Variants in DIAPH2 observed in about 807,000 individuals in gnomAD.
The protein encoded by DIAPH2 is diaphanous related formin 2.
In DIAPH2, 35 loss-of-function variants were observed where a neutral mutation model predicts 92.7. That is an observed-to-expected ratio of 0.38 (90% CI 0.29 to 0.50). The LOEUF is 0.50. DIAPH2 is among the 20% of genes least tolerant of loss of function. The pLI, the probability that DIAPH2 is intolerant of heterozygous loss-of-function variation, is 0.94. For synonymous variants in DIAPH2, 301 were observed against 280.4 expected (o/e 1.07, Z -0.73); for missense variants, 701 against 819.5 (o/e 0.86, Z 1.77).
At chrX:97,461,312 A>C (rs934871993) in intron 26 of DIAPH2, among the ~76,000 whole-genome samples, 3 of 111,440 alleles carry the variant, frequency 2.7e-5, no homozygotes, top group Non-Finnish European at 1.9e-5. Flanking sequence ...ACAAGAGTAA[A>C]TGTTATTTTA....
At chrX:97,474,779 A>G (rs1602614874) in intron 26 of DIAPH2, among the ~76,000 whole-genome samples, 2 of 106,824 alleles carry the variant, frequency 1.9e-5, no homozygotes, top group East Asian at 5.9e-4. Flanking sequence ...AAAAAAAAAA[A>G]TTAATAATAG....
chrX:97,111,771 G>A (rs1400788685), intron 20 of DIAPH2, among the ~76,000 whole-genome samples: 2 of 111,745 alleles, frequency 1.8e-5, no homozygotes, highest in Non-Finnish European at 3.8e-5. Context: ...TGGGGTAGCG[G>A]TTGAGAGTCT....
chrX:97,578,325 C>T (rs1342114939), intron 26 of DIAPH2, among the ~76,000 whole-genome samples: 2 of 107,288 alleles, frequency 1.9e-5, no homozygotes, highest in African/African-American at 6.8e-5. Flanking sequence ...CCCCGCTCCC[C>T]CCACCCCACA....
intron 1 of DIAPH2, among the ~76,000 whole-genome samples, chrX:96,727,835 C>T (rs1369681286): frequency 9.1e-6 from 1 of 109,915 alleles, no homozygotes; most frequent in African/African-American, 3.3e-5. Flanking sequence ...ATCACGAGGT[C>T]AGAAGTTCGA....
chrX:97,466,678 G>T (rs2070515493), intron 26 of DIAPH2, among the ~76,000 whole-genome samples: 1 of 112,002 alleles, frequency 8.9e-6, no homozygotes, highest in Non-Finnish European at 1.9e-5. Flanking sequence ...AATTAATCTT[G>T]GTTTTTGTTG....
rs745559686 is a variant in DIAPH2 at position 97,033,640 on chromosome X, T to C, written c.2051-39301T>C. On this transcript the variant is annotated intron_variant, in intron 17 of 26. Coordinates refer to ENST00000324765, the MANE Select transcript of DIAPH2 (RefSeq NM_006729.5). The stretch of plus-strand genomic sequence containing the variant: ...TTAAAGATGTTTGAAAGAAAAGAGC[T>C]GGAAAACCAAAGTTACTGTCACAAG... 1.1e-4 allele frequency among the ~76,000 whole-genome samples: 12 copies of C among 112,188 alleles called. No individual in the cohort carries two copies. In the East Asian group the frequency reaches 3.1e-3, roughly 29 times the overall value.
intron 26 of DIAPH2, among the ~76,000 whole-genome samples, chrX:97,434,575 A>ATT (rs59812820): frequency 3.8e-5 from 4 of 105,972 alleles, no homozygotes; most frequent in Admixed American, 1.0e-4. Context: ...CACCCAGCTA[A>ATT]TTTTTTTTTA....
At chrX:97,199,469 T>C (rs1463033514) in intron 22 of DIAPH2, among the ~76,000 whole-genome samples, 1 of 111,761 alleles carries the variant, frequency 8.9e-6, no homozygotes, top group East Asian at 2.8e-4. Flanking sequence ...CAAGCAAGCA[T>C]TTATGTAAAG....
chrX:97,253,675 G>A (rs1490102294), intron 23 of DIAPH2, among the ~76,000 whole-genome samples: 2 of 111,002 alleles, frequency 1.8e-5, no homozygotes, highest in African/African-American at 6.5e-5. Context: ...GCTTGAACCC[G>A]GGCAGCAGAG....
intron 17 of DIAPH2, among the ~76,000 whole-genome samples, chrX:97,004,553 T>C (rs2066166917): frequency 9.0e-6 from 1 of 111,726 alleles, no homozygotes; most frequent in South Asian, 3.7e-4. Flanking sequence ...ATATTTTATT[T>C]TATTTGTAGC....
chrX:96,716,037 T>G (rs1171169517), intron 1 of DIAPH2, among the ~76,000 whole-genome samples: 1 of 110,958 alleles, frequency 9.0e-6, no homozygotes, highest in Non-Finnish European at 1.9e-5. Flanking sequence ...CTGGTTAGGA[T>G]AGAAAACTTA....
intron 16 of DIAPH2, among the ~76,000 whole-genome samples, chrX:96,963,959 A>G (rs1427846459): frequency 1.8e-5 from 2 of 110,736 alleles, no homozygotes; most frequent in Non-Finnish European, 3.8e-5. Context: ...ATATTGATAT[A>G]CCTTAATTTT....
At chrX:96,739,300 G>A in intron 3 of DIAPH2, among the ~76,000 whole-genome samples, 1 of 111,881 alleles carries the variant, frequency 8.9e-6, no homozygotes, top group Non-Finnish European at 1.9e-5. Context: ...ATTAGATAAT[G>A]AATACCATAT....
intron 26 of DIAPH2, among the ~76,000 whole-genome samples, chrX:97,511,816 G>C (rs1294217771): frequency 9.1e-6 from 1 of 110,337 alleles, no homozygotes; most frequent in African/African-American, 3.3e-5. Flanking sequence ...TACATTTATT[G>C]ATTTGCATAT....
At chrX:97,390,715 C>G (rs1464022036) in intron 25 of DIAPH2, among the ~76,000 whole-genome samples, 2 of 110,966 alleles carry the variant, frequency 1.8e-5, no homozygotes, top group Non-Finnish European at 3.8e-5. Flanking sequence ...ATTTTCATTT[C>G]TTTCTCTCCT....
intron 25 of DIAPH2, among the ~76,000 whole-genome samples, chrX:97,397,377 T>C (rs1218389038): frequency 3.6e-5 from 4 of 111,865 alleles, no homozygotes; most frequent in African/African-American, 9.7e-5. Context: ...AAAAATTCTT[T>C]TTGTCAGACT....
At chrX:97,239,834 ATC>A (rs370959933) in intron 22 of DIAPH2, among the ~76,000 whole-genome samples, 5,596 of 97,869 alleles carry the variant, frequency 0.057, 386 homozygotes, top group African/African-American at 0.19. Flanking sequence ...TCTAGTAAAA[ATC>A]TCTCTCTCTC....
At chrX:97,126,962 C>T (rs1172828229) in intron 21 of DIAPH2, among the ~76,000 whole-genome samples, 1 of 112,532 alleles carries the variant, frequency 8.9e-6, no homozygotes, top group East Asian at 2.8e-4. Flanking sequence ...TATCAGAATG[C>T]TCTCTTCCCT....
chrX:97,217,810 G>A (rs901357491), intron 22 of DIAPH2, among the ~76,000 whole-genome samples: 1 of 110,210 alleles, frequency 9.1e-6, no homozygotes, highest in Non-Finnish European at 1.9e-5. Flanking sequence ...GCTAGGCATG[G>A]TGGCAAGCGC....
Sources: allele counts gnomAD v4.1 joint callset (sites outside exome capture counted in the v4.1 genomes callset), GRCh38; gene constraint gnomAD v4.1.1; transcripts MANE v1.5; gene names NCBI Gene and HGNC (gene_info 2026-07-23, HGNC 2026-07-21).